Variants in MAP2 observed in about 807,000 individuals in gnomAD.
MAP2 encodes microtubule associated protein 2, also known as microtubule-associated protein 2.
A neutral mutation model predicts 137.6 loss-of-function variants in MAP2; 14 were observed. The ratio of observed to expected loss-of-function variants is 0.10; its 90% CI spans 0.07 to 0.16. The LOEUF is 0.16. Ranked by LOEUF, MAP2 falls within the 10% of genes least tolerant of loss-of-function variation. The pLI is 1.00. For missense variants in MAP2, 2,088 were observed against 2,191.5 expected, an observed-to-expected ratio of 0.95 and a Z score of 0.94; for synonymous variants, 786 against 782.3, an observed-to-expected ratio of 1.00 and a Z score of -0.08.
intron 4 of MAP2, among the ~76,000 whole-genome samples, chr2:209,640,748 T>C (rs1209472305): frequency 1.3e-5 from 2 of 152,114 alleles, no homozygotes; most frequent in African/African-American, 2.4e-5. Flanking sequence ...GGTATCCTGC[T>C]TATAATTCTC....
At chr2:209,567,577 T>C (rs1402150924) in intron 2 of MAP2, among the ~76,000 whole-genome samples, 1 of 151,586 alleles carries the variant, frequency 6.6e-6, no homozygotes. Context: ...AATAAAAAAG[T>C]AGATAGACCA....
At chr2:209,642,678 T>G (rs892963461) in intron 4 of MAP2, among the ~76,000 whole-genome samples, 7 of 152,182 alleles carry the variant, frequency 4.6e-5, no homozygotes, top group Admixed American at 1.3e-4. Flanking sequence ...CTTATAGGTA[T>G]TTTACAATCA....
chr2:209,462,356 G>A (rs977861787), intron 1 of MAP2, among the ~76,000 whole-genome samples: 7 of 152,294 alleles, frequency 4.6e-5, no homozygotes, highest in Admixed American at 2.0e-4. Flanking sequence ...AGTGAGCCAC[G>A]TGTAAAAAGG....
intron 2 of MAP2, among the ~76,000 whole-genome samples, chr2:209,534,025 G>A (rs112865704): frequency 8.5e-5 from 13 of 152,324 alleles, no homozygotes; most frequent in African/African-American, 2.4e-4. Context: ...TCAAAGGGCC[G>A]TCCAGCAGCC....
At chr2:209,599,648 C>T (rs2082393922) in intron 3 of MAP2, among the ~76,000 whole-genome samples, 1 of 151,934 alleles carries the variant, frequency 6.6e-6, no homozygotes, top group African/African-American at 2.4e-5. Flanking sequence ...TTACAATTGC[C>T]TTCTTGTCAA....
chr2:209,556,705 C>T (rs113106752), intron 2 of MAP2, among the ~76,000 whole-genome samples: 2,918 of 145,880 alleles, frequency 0.02, 92 homozygotes, highest in African/African-American at 0.069. Context: ...AAAGAAACAA[C>T]CAAAATGGAA....
At chr2:209,647,954 C>A (rs1330067694) in intron 4 of MAP2, among the ~76,000 whole-genome samples, 2 of 152,028 alleles carry the variant, frequency 1.3e-5, no homozygotes, top group Admixed American at 1.3e-4. Flanking sequence ...ACTAACATTT[C>A]TGGTGGCACA....
At chr2:209,493,448 A>T (rs1423742383) in intron 1 of MAP2, among the ~76,000 whole-genome samples, 1 of 152,244 alleles carries the variant, frequency 6.6e-6, no homozygotes, top group Non-Finnish European at 1.5e-5. Flanking sequence ...TGATCTAATG[A>T]AACTAAAGAG....
In MAP2 at chr2:209,704,678, G is replaced by A. The variant is rs1452274448; in HGVS notation, c.4585-902G>A. ...GAAATAGAATTTGGGAGAAGGTTAT[G>A]TTATAGAACCTAATTCAGGAAATGT... is the stretch of plus-strand genomic sequence containing the variant. On this transcript the variant is annotated intron_variant, in intron 11 of 15. Transcript: ENST00000682079. 5.6e-6 allele frequency: 8 copies of A among 1,436,692 alleles called. No homozygotes were observed. The South Asian group carries it at 1.1e-4, about 20-fold the overall frequency. 89.0% of individuals were successfully genotyped at this position (1,436,692 alleles called of 1,614,324 possible).
At chr2:209,653,107 C>G in intron 4 of MAP2, 35 bp from the exon 5 acceptor site, 1 of 1,484,408 alleles carries the variant, frequency 6.7e-7, no homozygotes, top group Non-Finnish European at 9.0e-7. Context: ...CAGAAGATTT[C>G]CCCAAAGTAA....
At chr2:209,548,541 A>T (rs2068531035) in intron 2 of MAP2, among the ~76,000 whole-genome samples, 1 of 152,228 alleles carries the variant, frequency 6.6e-6, no homozygotes, top group South Asian at 2.1e-4. Flanking sequence ...GAATGTCAGA[A>T]AAATATTAGC....
At chr2:209,676,086 A>G (rs1242515943) in intron 5 of MAP2, among the ~76,000 whole-genome samples, 1 of 151,834 alleles carries the variant, frequency 6.6e-6, no homozygotes, top group Non-Finnish European at 1.5e-5. Flanking sequence ...GAGAAGCTTC[A>G]AGAGTTGTGC....
At chr2:209,700,053 G>C (rs1183013107) in intron 10 of MAP2, among the ~76,000 whole-genome samples, 5 of 152,142 alleles carry the variant, frequency 3.3e-5, no homozygotes, top group Non-Finnish European at 7.3e-5. Flanking sequence ...CTGCACTTTG[G>C]TAGACAATGG....
intron 6 of MAP2, among the ~76,000 whole-genome samples, chr2:209,680,267 A>G (rs1441416339): frequency 6.6e-6 from 1 of 152,166 alleles, no homozygotes; most frequent in Non-Finnish European, 1.5e-5. Context: ...TGTTTAAAAA[A>G]TATATTCCCT....
intron 1 of MAP2, among the ~76,000 whole-genome samples, chr2:209,434,176 G>A (rs1019747440): frequency 1.4e-4 from 22 of 151,960 alleles, no homozygotes; most frequent in Admixed American, 1.1e-3. Context: ...GCACTTTTCA[G>A]ATATTTATGG....
In MAP2 at chr2:209,732,898, G is replaced by A. The variant is rs1584873834; in HGVS notation, c.*2501G>A. On this transcript the variant is annotated 3_prime_UTR_variant, in exon 16 of 16. Coordinates refer to ENST00000682079, the MANE Select transcript of MAP2 (RefSeq NM_001375505.1). ...ATACAATTCTTTATTAAAGTTAACA[G>A]AAAGGAACTGATCGTTTGTACCAGT... is the stretch of plus-strand genomic sequence containing the variant. The A allele has an allele frequency of 6.7e-6, 1 of 149,576 alleles. No homozygotes were observed. The highest frequency in any genetic ancestry group is 1.9e-4 in the East Asian group (1 of 5,184). 9.3% of individuals were successfully genotyped at this position (149,576 alleles called of 1,614,324 possible). A position where few individuals can be genotyped will look rare whatever the true frequency, so the allele number is the denominator to read the frequency against.
At chr2:209,563,174 A>G (rs948015633) in intron 2 of MAP2, among the ~76,000 whole-genome samples, 1 of 152,148 alleles carries the variant, frequency 6.6e-6, no homozygotes, top group African/African-American at 2.4e-5. Flanking sequence ...GGAGTTTTAA[A>G]AGCATACCTG....
chr2:209,653,515 C>G, intron 5 of MAP2, 83 bp downstream of exon 5: 1 of 1,389,886 alleles, frequency 7.2e-7, no homozygotes, highest in East Asian at 2.4e-5. Context: ...ATATACAGCA[C>G]TGATCCTCTT....
At position 209,484,588 on chromosome 2, in the gene MAP2, G is replaced by A. The variant is rs558084668; in HGVS notation, c.-221-23004G>A. 1.1e-4 allele frequency among the ~76,000 whole-genome samples: 16 copies of A among 152,300 alleles called. No individual in the cohort carries two copies. In the East Asian group the frequency reaches 3.1e-3, roughly 29 times the overall value. ...GCCTGTATTCCCAGCTACTCGGGAG[G>A]CTGAGGCAGGAGAATCGCTTGAACC... On this transcript the variant is annotated intron_variant, in intron 1 of 15. Coordinates refer to ENST00000682079, the MANE Select transcript of MAP2 (RefSeq NM_001375505.1).
Sources: allele counts gnomAD v4.1 joint callset (sites outside exome capture counted in the v4.1 genomes callset), GRCh38; gene constraint gnomAD v4.1.1; transcripts MANE v1.5; gene names NCBI Gene and HGNC (gene_info 2026-07-23, HGNC 2026-07-21).